The following PTK2B variants were observed in gnomAD, a reference collection of about 807,000 sequenced individuals.
PTK2B encodes the protein protein tyrosine kinase 2 beta.
In PTK2B, 71 loss-of-function variants were observed where a neutral mutation model predicts 142.9. That is an observed-to-expected ratio of 0.50 (90% confidence interval 0.41 to 0.61). The LOEUF (loss-of-function observed/expected upper bound fraction) is 0.61. Ranked by LOEUF, PTK2B falls within the 20% of genes least tolerant of loss-of-function variation. The pLI, the probability that PTK2B is intolerant of heterozygous loss-of-function variation, is 0.00. For missense variants in PTK2B, 1,105 were observed against 1,320.4 expected (o/e 0.84, Z 2.53); for synonymous variants, 519 against 503.4 (o/e 1.03, Z -0.42).
chr8:27,331,302 C>A (rs36057699), intron 1 of PTK2B, among the ~76,000 whole-genome samples: 8,272 of 152,208 alleles, frequency 0.054, 300 homozygotes, highest in Non-Finnish European at 0.09. Flanking sequence ...AGCAGTCCCA[C>A]TGGTTCATAT....
intron 3 of PTK2B, among the ~76,000 whole-genome samples, chr8:27,315,939 TG>T (rs762807780): frequency 3.9e-4 from 59 of 151,456 alleles, no homozygotes; most frequent in Non-Finnish European, 6.9e-4. Context: ...TTGCATATGG[TG>T]GGGGGGTGGG....
chr8:27,320,055 T>C lies in PTK2B; in HGVS notation c.-413-2347T>C, dbSNP rs568490145. On this transcript the variant is annotated intron_variant, in intron 3 of 35. Coordinates refer to the PTK2B transcript ENST00000397501. The stretch of plus-strand genomic sequence containing the variant: ...GCCTGTATACTGGGAGGAGTGCGCA[T>C]TGGGGTGGAGCCACAGGAGTTCCTG... Among the ~76,000 whole-genome samples the C allele has an allele frequency of 8.1e-4, 123 of 152,152 alleles. 1 individual carries two copies. The highest frequency in any genetic ancestry group is 3.4e-3 in the Middle Eastern group (1 of 294).
intron 5 of PTK2B, among the ~76,000 whole-genome samples, chr8:27,429,099 G>A (rs934371233): frequency 6.6e-6 from 1 of 152,132 alleles, no homozygotes; most frequent in African/African-American, 2.4e-5. Flanking sequence ...TAGAGACAAG[G>A]TTTCACCATG....
chr8:27,335,331 G>T (rs1004479634), intron 1 of PTK2B, among the ~76,000 whole-genome samples: 1 of 152,332 alleles, frequency 6.6e-6, no homozygotes, highest in Non-Finnish European at 1.5e-5. Flanking sequence ...AGTGACTCAT[G>T]CCTGTAATCC....
At chr8:27,328,892 C>A (rs1803569657) in intron 1 of PTK2B, among the ~76,000 whole-genome samples, 1 of 151,856 alleles carries the variant, frequency 6.6e-6, no homozygotes, top group Non-Finnish European at 1.5e-5. Context: ...CTAGACTAGG[C>A]AGTGTCCAAC....
At chr8:27,331,269 A>G (rs1244148891) in intron 1 of PTK2B, among the ~76,000 whole-genome samples, 3 of 152,096 alleles carry the variant, frequency 2.0e-5, no homozygotes, top group African/African-American at 7.2e-5. Context: ...TGATTCTGTG[A>G]GAACCTGCCC....
Position 27,397,719 on chromosome 8 carries a change from C to T in PTK2B, c.135C>T (p.Phe45=). The change falls in exon 2 of 31, where the codon TTC becomes TTT. Residue 45 remains phenylalanine, a synonymous_variant. Coordinates refer to ENST00000346049, the MANE Select transcript of PTK2B (RefSeq NM_173176.3). Reference sequence around the variant, plus strand: ...ACGTGCGTATCCTCAAGGTCTGCTTCTATAGCAACAGCTTCAATCCTGGGA... The same window carrying T: ...ACGTGCGTATCCTCAAGGTCTGCTTTTATAGCAACAGCTTCAATCCTGGGA... ...KEDVRILKVC[F]YSNSFNPGKN... is the part of the protein sequence containing the mutation. 2 of 1,614,266 alleles carry T rather than the reference C, an allele frequency of 1.2e-6. No individual in the cohort carries two copies. Among genetic ancestry groups the T allele is most frequent in the Non-Finnish European group, 1.7e-6 (2 of 1,180,044 alleles).
intron 1 of PTK2B, among the ~76,000 whole-genome samples, chr8:27,365,497 C>T (rs897721981): frequency 4.6e-5 from 7 of 152,108 alleles, no homozygotes; most frequent in African/African-American, 1.7e-4. Flanking sequence ...ATGGCAAAGT[C>T]CTGTATGTTT....
At chr8:27,383,021 CT>C (rs1807121640) in intron 1 of PTK2B, among the ~76,000 whole-genome samples, 2 of 152,038 alleles carry the variant, frequency 1.3e-5, no homozygotes, top group Non-Finnish European at 2.9e-5. Flanking sequence ...CTCAGAATTG[CT>C]TTGGCTATTT....
intron 2 of PTK2B, among the ~76,000 whole-genome samples, chr8:27,406,602 G>T (rs546659962): frequency 1.3e-5 from 2 of 152,290 alleles, no homozygotes; most frequent in South Asian, 4.1e-4. Flanking sequence ...TTGGCAGCGG[G>T]AAATGTGTAG....
At chr8:27,421,221 A>G (rs568406369) in intron 4 of PTK2B, among the ~76,000 whole-genome samples, 63 of 152,144 alleles carry the variant, frequency 4.1e-4, no homozygotes, top group African/African-American at 1.4e-3. Context: ...ACCAGATGAT[A>G]TCATTGGCTG....
intron 1 of PTK2B, among the ~76,000 whole-genome samples, chr8:27,346,381 AT>A (rs1377507053): frequency 1.3e-5 from 2 of 152,208 alleles, no homozygotes; most frequent in African/African-American, 4.8e-5. Flanking sequence ...CACAAAAAAA[AT>A]ACAAAATACG....
rs1586307405 is a variant in PTK2B, at chr8:27,431,291, G to T, written c.811-107G>T. The T allele has an allele frequency of 1.8e-5, 29 of 1,582,290 alleles. No individual in the cohort carries two copies. In the South Asian group the frequency reaches 3.2e-4, roughly 18 times the overall value. On this transcript the variant is annotated intron_variant, in intron 8 of 30. Transcript: ENST00000346049. ...AGGGTTTCGGTGAGAAGGAGCTGGA[G>T]ACCCAGGAAACAGTGGCTTGTGTCT...
chr8:27,442,908 G>C lies in PTK2B; in HGVS notation c.2073G>C (p.Met691Ile), dbSNP rs1811242321. ...DVYQMEKDIA[M>I]EQERNARYRT... is the part of the protein sequence containing the mutation. The stretch of plus-strand genomic sequence containing the variant: ...ATCAGATGGAGAAGGACATTGCCAT[G>C]GAGCAAGAGAGGAATGCTCGCTACC... The change falls in exon 22 of 31, where the codon ATG becomes ATC. Residue 691 changes from methionine (M) to isoleucine (I), a missense_variant. Met to Ile is a conservative substitution (Grantham distance 10). Coordinates refer to ENST00000346049, the MANE Select transcript of PTK2B (RefSeq NM_173176.3). 6.2e-7 allele frequency: 1 copy of C among 1,614,152 alleles called. No homozygotes were observed. Among genetic ancestry groups the C allele is most frequent in the African/African-American group, 1.3e-5 (1 of 75,044 alleles).
At chr8:27,412,218 G>T (rs1362731346) in intron 2 of PTK2B, among the ~76,000 whole-genome samples, 1 of 152,152 alleles carries the variant, frequency 6.6e-6, no homozygotes, top group East Asian at 1.9e-4. Context: ...TCAATCTCCA[G>T]CTCCCCTTCC....
At chr8:27,446,424 A>G (rs919666048) in intron 24 of PTK2B, among the ~76,000 whole-genome samples, 1 of 152,132 alleles carries the variant, frequency 6.6e-6, no homozygotes, top group Non-Finnish European at 1.5e-5. Context: ...ATACAGCCTC[A>G]TTAACTGGCT....
Position 27,420,731 on chromosome 8 carries a change from A to G in PTK2B, c.458A>G (p.Tyr153Cys), listed in dbSNP as rs780612192. ...AAGGAGGACAGGACCACGCTGCTCT[A>G]TTTTTACCAACAGGTAAAAAGTACT... ...SLKEDRTTLL[Y>C]FYQQLRNDYM... The change falls in exon 4 of 31, where the codon TAT (tyrosine) becomes TGT (cysteine). Residue 153 changes from tyrosine (Y) to cysteine (C), a missense_variant. Tyr to Cys is a radical substitution (Grantham distance 194). Transcript: ENST00000346049. 6 of 1,612,596 alleles carry G rather than the reference A, an allele frequency of 3.7e-6. No individual in the cohort carries two copies. Among genetic ancestry groups the G allele is most frequent in the East Asian group, 4.5e-5 (2 of 44,876 alleles).
intron 1 of PTK2B, chr8:27,326,937 G>C (rs1361894883): frequency 6.6e-6 from 1 of 152,510 alleles, no homozygotes; most frequent in Non-Finnish European, 1.5e-5. Flanking sequence ...CCGGGTGGTT[G>C]AGGGAGGGCT....
intron 1 of PTK2B, among the ~76,000 whole-genome samples, chr8:27,378,976 A>T (rs1311379458): frequency 6.6e-6 from 1 of 152,152 alleles, no homozygotes; most frequent in East Asian, 1.9e-4. Flanking sequence ...TATGCCAAAC[A>T]TAGACTCACA....
Sources: gnomAD v4.1 joint callset for allele counts (sites outside exome capture counted in the v4.1 genomes callset) on GRCh38, gnomAD v4.1.1 for gene constraint, MANE v1.5 for transcripts, NCBI Gene and HGNC (gene_info 2026-07-23, HGNC 2026-07-21) for gene names.